JAK2: variants seen among roughly 807,000 people sequenced by gnomAD.
JAK2 encodes the protein Janus kinase 2, also known as tyrosine-protein kinase JAK2.
JAK2 carries 86 observed loss-of-function variants against 139.3 expected under a neutral mutation model. The ratio of observed to expected loss-of-function variants is 0.62; its 90% confidence interval spans 0.52 to 0.74. The LOEUF is 0.74. Ranked by LOEUF, JAK2 falls within the 30% of genes least tolerant of loss-of-function variation. The pLI, the probability that JAK2 is intolerant of heterozygous loss-of-function variation, is 0.00. For synonymous variants in JAK2, 490 were observed against 437.7 expected (o/e 1.12, Z -1.49); for missense variants, 1,421 against 1,360.3 (o/e 1.04, Z -0.70).
chr9:5,058,924 A>G (rs1817967802), intron 8 of JAK2, among the ~76,000 whole-genome samples: 2 of 152,050 alleles, frequency 1.3e-5, no homozygotes, highest in African/African-American at 4.8e-5. Flanking sequence ...TGTATTCTGG[A>G]TATTAATCCC....
intron 19 of JAK2, among the ~76,000 whole-genome samples, chr9:5,084,056 T>C (rs541693463): frequency 1.3e-5 from 2 of 152,308 alleles, no homozygotes; most frequent in South Asian, 4.1e-4. Context: ...AATGTTCTTT[T>C]GCTTTTTAAC....
chr9:5,036,277 A>G (rs1478050597), intron 4 of JAK2, among the ~76,000 whole-genome samples: 2 of 152,242 alleles, frequency 1.3e-5, no homozygotes, highest in Admixed American at 6.5e-5. Context: ...GGAAGAATCA[A>G]TATTGTGAAA....
chr9:5,044,793 A>G (rs1273770259), intron 5 of JAK2, among the ~76,000 whole-genome samples: 6 of 152,184 alleles, frequency 3.9e-5, no homozygotes, highest in East Asian at 1.9e-4. Context: ...GGATTTCGCA[A>G]AGTATAGACT....
chr9:5,053,989 A>G (rs1257519517), intron 6 of JAK2, among the ~76,000 whole-genome samples: 1 of 152,124 alleles, frequency 6.6e-6, no homozygotes, highest in Non-Finnish European at 1.5e-5. Context: ...AGAATATTGT[A>G]CATAGAGATG....
At chr9:5,104,747 G>A (rs1240654579) in intron 22 of JAK2, among the ~76,000 whole-genome samples, 3 of 152,196 alleles carry the variant, frequency 2.0e-5, no homozygotes, top group Admixed American at 1.3e-4. Context: ...TGCAAGGCTG[G>A]TTCAACATTT....
At chr9:5,055,569 A>G (rs1817703133) in intron 7 of JAK2, 100 bp from the exon 8 acceptor site, 1 of 941,324 alleles carries the variant, frequency 1.1e-6, no homozygotes, top group Non-Finnish European at 1.6e-6. Flanking sequence ...TACCTTTTTT[A>G]TTTTAAAGAA....
At chr9:5,110,661 A>G (rs1006647112) in intron 22 of JAK2, 14 of 238,840 alleles carry the variant, frequency 5.9e-5, no homozygotes, top group African/African-American at 2.7e-4. Context: ...AACCACAAAT[A>G]CTGTCATATA....
chr9:5,113,842 T>A, intron 22 of JAK2: 1 of 196,368 alleles, frequency 5.1e-6, no homozygotes, highest in Middle Eastern at 1.2e-3. Context: ...GGTCAGTACC[T>A]TCAGCATCTA....
intron 2 of JAK2, among the ~76,000 whole-genome samples, chr9:5,009,947 C>CT (rs1417310995): frequency 6.6e-6 from 1 of 152,014 alleles, no homozygotes; most frequent in African/African-American, 2.4e-5. Context: ...TTTTAGATTT[C>CT]TTTTTTGTAG....
At chr9:5,098,632 G>T (rs1349705506) in intron 22 of JAK2, 1 of 151,770 alleles carries the variant, frequency 6.6e-6, no homozygotes, top group East Asian at 1.9e-4. Flanking sequence ...TACTGTCAAA[G>T]CAATTGGTCA....
intron 22 of JAK2, among the ~76,000 whole-genome samples, chr9:5,101,550 G>C (rs908310055): frequency 1.3e-5 from 2 of 152,240 alleles, no homozygotes; most frequent in Non-Finnish European, 2.9e-5. Flanking sequence ...TGGTGTTTGA[G>C]CTCTGACAAT....
At chr9:5,069,343 G>A (rs1408946644) in intron 11 of JAK2, 135 bp downstream of exon 11, 1 of 569,892 alleles carries the variant, frequency 1.8e-6, no homozygotes, top group African/African-American at 1.9e-5. Context: ...TTATTCTATT[G>A]TACAAGCATC....
intron 4 of JAK2, among the ~76,000 whole-genome samples, chr9:5,040,372 G>A (rs1373492000): frequency 6.6e-6 from 1 of 151,808 alleles, no homozygotes; most frequent in Non-Finnish European, 1.5e-5. Flanking sequence ...AAACACAGAA[G>A]TCTTTGTGTA....
In JAK2 at chr9:5,086,136, C is replaced by T. The variant is rs1165771329; in HGVS notation, c.2572-3538C>T. 1.3e-5 allele frequency: 5 copies of T among 389,150 alleles called. No homozygotes were observed. In the East Asian group the frequency reaches 2.7e-4, roughly 21 times the overall value. 24.1% of individuals were successfully genotyped at this position (389,150 alleles called of 1,614,324 possible). A position where few individuals can be genotyped will look rare whatever the true frequency, so the allele number is the denominator to read the frequency against. ...CATCGGCAGCGGCGCGCGGCCCCGG[C>T]GGCCCCGCAAGGCTCGGGGAGCGGT... On this transcript the variant is annotated intron_variant, in intron 19 of 24. Transcript: ENST00000381652.
chr9:5,029,464 C>T (rs373576673), intron 3 of JAK2, among the ~76,000 whole-genome samples: 8 of 152,222 alleles, frequency 5.3e-5, no homozygotes, highest in African/African-American at 1.7e-4. Context: ...AAAGTGAGCA[C>T]GTGCTGTTGG....
intron 2 of JAK2, among the ~76,000 whole-genome samples, chr9:5,005,538 A>G (rs889215714): frequency 5.3e-5 from 8 of 152,150 alleles, no homozygotes; most frequent in African/African-American, 9.7e-5. Flanking sequence ...GTATTCTTTT[A>G]AAGTGTTATT....
chr9:4,989,031 T>G (rs543085165), intron 2 of JAK2, among the ~76,000 whole-genome samples: 1 of 152,326 alleles, frequency 6.6e-6, no homozygotes, highest in East Asian at 1.9e-4. Flanking sequence ...TGTCCCTTCC[T>G]TCTGTTTATC....
chr9:5,077,483 G>T lies in JAK2; in HGVS notation c.1895G>T (p.Gly632Val), dbSNP rs2130582473. The change falls in exon 15 of 25, where the codon GGA becomes GTA. Residue 632 changes from glycine to valine, a missense_variant. Coordinates refer to ENST00000381652, the MANE Select transcript of JAK2 (RefSeq NM_004972.4). ...NILVQEFVKF[G>V]SLDTYLKKNK... ...CTGGTTCAGGAGTTTGTAAAATTTG[G>T]ATCACTAGATACATATCTGAAAAAG... 7.7e-7 allele frequency: 1 copy of T among 1,304,856 alleles called. No homozygotes were observed. Among genetic ancestry groups the T allele is most frequent in the Non-Finnish European group, 1.0e-6 (1 of 975,032 alleles). 80.8% of individuals were successfully genotyped at this position (1,304,856 alleles called of 1,614,324 possible). A position where few individuals can be genotyped will look rare whatever the true frequency, so the allele number is the denominator to read the frequency against.
In JAK2 at chr9:5,128,022, A is replaced by ATTTG. The variant is rs1824111315; in HGVS notation, c.*1234_*1237dup. The ATTTG allele has an allele frequency of 4.3e-6, 1 of 231,086 alleles. No homozygotes were observed. Among genetic ancestry groups the ATTTG allele is most frequent in the African/African-American group, 2.2e-5 (1 of 44,884 alleles). 14.3% of individuals were successfully genotyped at this position (231,086 alleles called of 1,614,324 possible). ...GTATAAGGGGTTGTTCGTTGTTGTC[A>ATTTG]TTTGTTATAGTGCTACTCCACTTTA... On this transcript the variant is annotated 3_prime_UTR_variant, in exon 25 of 25. Transcript: ENST00000381652.
Sources: gnomAD v4.1 joint callset for allele counts (sites outside exome capture counted in the v4.1 genomes callset) on GRCh38, gnomAD v4.1.1 for gene constraint, MANE v1.5 for transcripts, NCBI Gene and HGNC (gene_info 2026-07-23, HGNC 2026-07-21) for gene names.